The following TDRD7 variants were observed in gnomAD, a reference collection of about 807,000 sequenced individuals.
TDRD7 encodes the protein tudor domain containing 7.
In TDRD7, 47 loss-of-function variants were observed where a neutral mutation model predicts 109.8. The ratio of observed to expected loss-of-function variants is 0.43; its 90% confidence interval spans 0.34 to 0.55. TDRD7 has a LOEUF of 0.55. TDRD7 is among the 20% of genes least tolerant of loss of function. TDRD7 has a pLI of 0.03. For synonymous variants in TDRD7, 424 were observed against 457.3 expected, an observed-to-expected ratio of 0.93 and a Z score of 0.93; for missense variants, 1,164 against 1,319.2, an observed-to-expected ratio of 0.88 and a Z score of 1.82.
chr9:97,480,640 G>A (rs1441636903), intron 13 of TDRD7, 188 bp from the exon 14 acceptor site: 2 of 628,092 alleles, frequency 3.2e-6, no homozygotes, highest in Admixed American at 2.1e-5. Context: ...AAAGACAATA[G>A]TAGTTATATA....
Position 97,460,520 on chromosome 9 carries a change from G to A in TDRD7, c.1198G>A (p.Ala400Thr). 6.2e-7 allele frequency: 1 copy of A among 1,614,194 alleles called. No homozygotes were observed. The change falls in exon 7 of 17, where the codon GCC becomes ACC. Residue 400 changes from alanine (A) to threonine (T), a missense_variant. Physicochemically the swap from Ala to Thr is moderately conservative, Grantham distance 58 (BLOSUM62 0). Around this residue, in one of 5 missense-constraint regions of TDRD7, gnomAD observed 407 missense variants for 394.0 expected, o/e 1.03. Coordinates refer to ENST00000355295, the MANE Select transcript of TDRD7 (RefSeq NM_014290.3). ...CTACATTTCTGGAAATCCCCAGAAG[G>A]CCATTCTCTATGCTAAACTTCCATT... ...IDYISGNPQK[A>T]ILYAKLPLPT...
chr9:97,452,579 T>C (rs1390941238), intron 6 of TDRD7, among the ~76,000 whole-genome samples: 1 of 152,154 alleles, frequency 6.6e-6, no homozygotes, highest in African/African-American at 2.4e-5. Flanking sequence ...AATATAAAAC[T>C]GCTGAGGGAA....
chr9:97,457,818 AT>A (rs560315323), intron 6 of TDRD7, among the ~76,000 whole-genome samples: 127 of 152,320 alleles, frequency 8.3e-4, no homozygotes, highest in Admixed American at 1.4e-3. Context: ...AAGGAATGAG[AT>A]TATCTCCTTG....
At chr9:97,470,716 A>T in intron 9 of TDRD7, 47 bp downstream of exon 9, 1 of 1,392,012 alleles carries the variant, frequency 7.2e-7, no homozygotes, top group East Asian at 2.3e-5. Flanking sequence ...ATAGGCTATT[A>T]CCACTGTACA....
chr9:97,470,345 C>T (rs1828889201), intron 8 of TDRD7, among the ~76,000 whole-genome samples: 1 of 152,134 alleles, frequency 6.6e-6, no homozygotes, highest in African/African-American at 2.4e-5. Flanking sequence ...AGGTAGAAGA[C>T]TGGGACCTGG....
rs1197048726 is a variant in TDRD7, at chr9:97,483,327, T to C, written c.2891T>C (p.Val964Ala). 6.2e-7 allele frequency: 1 copy of C among 1,614,054 alleles called. No homozygotes were observed. Residue 964 changes from valine to alanine, a missense_variant, in exon 15 of 17, where the codon GTG (valine) becomes GCG (alanine). Around this residue, in one of 5 missense-constraint regions of TDRD7, gnomAD observed 162 missense variants for 222.5 expected, o/e 0.73. Transcript: ENST00000355295. ...ERHIAVEKDQVYAAKVENKWH... is the reference protein window; with the variant it reads ...ERHIAVEKDQAYAAKVENKWH... The stretch of plus-strand genomic sequence containing the variant: ...CACATAGCAGTGGAGAAAGACCAAG[T>C]GTATGCTGCAAAAGTGGAAAATAAG...
At position 97,460,711 on chromosome 9, in the gene TDRD7, ATCACCATCTGTAT is replaced by A. The variant is rs762726176; in HGVS notation, c.1391_1403del (p.Ser464TrpfsTer5). 3 of 1,614,220 alleles carry A rather than the reference ATCACCATCTGTAT, an allele frequency of 1.9e-6. No individual in the cohort carries two copies. Among genetic ancestry groups the A allele is most frequent in the Admixed American group, 3.3e-5 (2 of 60,024 alleles). On this transcript the variant is annotated frameshift_variant, in exon 7 of 17. Coordinates refer to ENST00000355295, the MANE Select transcript of TDRD7 (RefSeq NM_014290.3). LOFTEE classifies it high-confidence loss of function. ...CTCCTTTAATGATTCCAACTGAAGCATCACCATCTGTATTGGTGGTTGAACTGAGCAACACAAA... is the reference window on the plus strand; with the variant it reads ...CTCCTTTAATGATTCCAACTGAAGCATGGTGGTTGAACTGAGCAACACAAA...
chr9:97,443,654 G>A (rs1446728498), intron 6 of TDRD7, among the ~76,000 whole-genome samples: 2 of 152,158 alleles, frequency 1.3e-5, no homozygotes, highest in Non-Finnish European at 2.9e-5. Context: ...AGGGCCTGTG[G>A]CCCCTTCTTG....
intron 15 of TDRD7, among the ~76,000 whole-genome samples, chr9:97,483,572 A>G (rs1269750605): frequency 6.6e-6 from 1 of 152,164 alleles, no homozygotes; most frequent in African/African-American, 2.4e-5. Context: ...TATAACTAAA[A>G]TGAATGTTTA....
Position 97,439,303 on chromosome 9 carries a change from A to C in TDRD7, c.622A>C (p.Thr208Pro), listed in dbSNP as rs139706467. ...GCAGATGCATCTCTCAAGAACCTCTACTAAGGAAATGAGTGGTATGTTTTC... is the reference window on the plus strand; with the variant it reads ...GCAGATGCATCTCTCAAGAACCTCTCCTAAGGAAATGAGTGGTATGTTTTC... The part of the protein sequence containing the change: ...PLQMHLSRTS[T>P]KEMSDNLNQT... The change falls in exon 5 of 17, where the codon ACT becomes CCT. Residue 208 changes from threonine to proline, a missense_variant. This residue lies in a region of TDRD7 where 407 missense variants were observed against 394.0 expected (regional missense o/e 1.03). Transcript: ENST00000355295. 1.2e-6 allele frequency: 2 copies of C among 1,603,184 alleles called. No individual in the cohort carries two copies. The highest frequency in any genetic ancestry group is 2.7e-5 in the African/African-American group (2 of 74,742).
At chr9:97,491,876 TGTGA>T (rs1217447803) in intron 16 of TDRD7, among the ~76,000 whole-genome samples, 1 of 152,244 alleles carries the variant, frequency 6.6e-6, no homozygotes, top group Non-Finnish European at 1.5e-5. Flanking sequence ...TGATATTCAC[TGTGA>T]GTACCAGGTA....
intron 1 of TDRD7, among the ~76,000 whole-genome samples, chr9:97,423,210 A>G (rs1228599856): frequency 6.6e-6 from 1 of 152,170 alleles, no homozygotes; most frequent in African/African-American, 2.4e-5. Context: ...TAATAGCTAT[A>G]GGGATATTTG....
chr9:97,482,398 C>G (rs1241032772), intron 14 of TDRD7, among the ~76,000 whole-genome samples: 4 of 152,146 alleles, frequency 2.6e-5, no homozygotes, highest in Non-Finnish European at 4.4e-5. Context: ...TGAGGACACA[C>G]CAGCCTTAAG....
intron 1 of TDRD7, among the ~76,000 whole-genome samples, chr9:97,418,090 C>A (rs10982027): frequency 0.022 from 3,292 of 152,112 alleles, 127 homozygotes; most frequent in African/African-American, 0.075. Context: ...ACGCCACTGC[C>A]CTCCAGCCTG....
chr9:97,465,934 G>A (rs1479300561), intron 8 of TDRD7, among the ~76,000 whole-genome samples: 1 of 151,970 alleles, frequency 6.6e-6, no homozygotes, highest in African/African-American at 2.4e-5. Flanking sequence ...TGTGTAGAAG[G>A]GTGACCCTAG....
At chr9:97,442,924 T>C (rs1173370057) in intron 6 of TDRD7, among the ~76,000 whole-genome samples, 3 of 152,148 alleles carry the variant, frequency 2.0e-5, no homozygotes, top group Non-Finnish European at 4.4e-5. Flanking sequence ...GCCTTCCGAG[T>C]AAATGGGGCT....
intron 7 of TDRD7, among the ~76,000 whole-genome samples, chr9:97,463,367 C>T (rs1466247893): frequency 6.7e-6 from 1 of 148,234 alleles, no homozygotes; most frequent in Non-Finnish European, 1.5e-5. Context: ...TTGTGTAGGA[C>T]TTTCTGAGTT....
intron 6 of TDRD7, among the ~76,000 whole-genome samples, chr9:97,446,769 T>C (rs1475787660): frequency 2.0e-5 from 3 of 152,174 alleles, no homozygotes; most frequent in African/African-American, 7.2e-5. Flanking sequence ...TTGTATGAGA[T>C]AATAAAGCAC....
chr9:97,421,222 T>C (rs952685360), intron 1 of TDRD7, among the ~76,000 whole-genome samples: 1 of 152,172 alleles, frequency 6.6e-6, no homozygotes, highest in Non-Finnish European at 1.5e-5. Context: ...TTCTAAATGC[T>C]CTGCTTTCTC....
Sources: gnomAD v4.1 joint callset for allele counts (sites outside exome capture counted in the v4.1 genomes callset) on GRCh38, gnomAD v4.1.1 for gene constraint, gnomAD v4.1.1 regional missense constraint, MANE v1.5 for transcripts, NCBI Gene and HGNC (gene_info 2026-07-23, HGNC 2026-07-21) for gene names.